LRGUK: variants seen among roughly 807,000 people sequenced by gnomAD.
LRGUK encodes the protein leucine-rich repeat and guanylate kinase domain-containing protein.
LRGUK carries 65 observed loss-of-function variants against 76.0 expected under a neutral mutation model. The observed-to-expected ratio is 0.85, with a 90% CI of 0.70 to 1.05. The LOEUF is 1.05. Ranked by LOEUF, LRGUK falls within the 50% of genes least tolerant of loss-of-function variation. The pLI, the probability that LRGUK is intolerant of heterozygous loss-of-function variation, is 0.00. For missense variants in LRGUK, 758 were observed against 732.8 expected, an observed-to-expected ratio of 1.03 and a Z score of -0.40; for synonymous variants, 268 against 265.6, an observed-to-expected ratio of 1.01 and a Z score of -0.09.
At chr7:134,236,860 A>T (rs902906466) in intron 16 of LRGUK, among the ~76,000 whole-genome samples, 3 of 152,192 alleles carry the variant, frequency 2.0e-5, no homozygotes, top group Non-Finnish European at 4.4e-5. Context: ...GAAATTTCTT[A>T]CACCTACTGT....
chr7:134,264,105 C>T (rs1330809969), exon 20 of LRGUK: 35 of 842,022 alleles, frequency 4.2e-5, no homozygotes, highest in Non-Finnish European at 5.4e-5. Context: ...TTCTACCTGC[C>T]TTAATTCTAT....
At chr7:134,242,396 A>G (rs1217261133) in intron 16 of LRGUK, among the ~76,000 whole-genome samples, 2 of 152,260 alleles carry the variant, frequency 1.3e-5, no homozygotes, top group East Asian at 3.8e-4. Flanking sequence ...ACAGAAATAC[A>G]AACTACCATC....
chr7:134,233,531 G>A (rs1034921222), intron 16 of LRGUK, among the ~76,000 whole-genome samples: 1 of 152,176 alleles, frequency 6.6e-6, no homozygotes, highest in Non-Finnish European at 1.5e-5. Flanking sequence ...TGGACCTGTG[G>A]TGACAAAGTA....
chr7:134,149,649 A>G (rs1456594909), intron 5 of LRGUK, among the ~76,000 whole-genome samples: 2 of 152,222 alleles, frequency 1.3e-5, no homozygotes, highest in African/African-American at 4.8e-5. Context: ...TAACAGAGAA[A>G]TCAGAAAGTG....
chr7:134,271,595 A>G, the LRGUK span, among the ~76,000 whole-genome samples: 2 of 152,002 alleles, frequency 1.3e-5, no homozygotes, highest in African/African-American at 4.8e-5. Flanking sequence ...TTATGTATCA[A>G]ATTCTACAAA....
rs948577076 is a variant in LRGUK, at chr7:134,163,571, A to T, written c.939+31A>T. The T allele has an allele frequency of 7.0e-6, 11 of 1,581,284 alleles. No individual in the cohort carries two copies. The African/African-American group carries it at 1.5e-4, about 21-fold the overall frequency. On this transcript the variant is annotated intron_variant, in intron 7 of 15. Transcript: ENST00000645682. The stretch of plus-strand genomic sequence containing the variant: ...GTTGCACTTCACATGTCTTGGTTTC[A>T]GTGTTGACATAAGAGGACATATTAG...
intron 1 of LRGUK, among the ~76,000 whole-genome samples, chr7:134,130,293 C>G (rs1057347346): frequency 4.6e-5 from 7 of 152,066 alleles, no homozygotes; most frequent in African/African-American, 7.3e-5. Context: ...AGCTTCCCCC[C>G]CCCCCCAGAG....
intron 4 of LRGUK, among the ~76,000 whole-genome samples, chr7:134,144,282 C>G (rs564926179): frequency 2.0e-5 from 3 of 152,124 alleles, no homozygotes; most frequent in Non-Finnish European, 4.4e-5. Context: ...ACTACAGGCA[C>G]GTGCCAAAAC....
chr7:134,245,515 G>A (rs1802278879), intron 16 of LRGUK, among the ~76,000 whole-genome samples: 1 of 152,096 alleles, frequency 6.6e-6, no homozygotes, highest in Admixed American at 6.6e-5. Context: ...CTGTATTTTG[G>A]GGTTTGAGGA....
chr7:134,140,901 C>T (rs1197691178), intron 3 of LRGUK, among the ~76,000 whole-genome samples: 1 of 152,166 alleles, frequency 6.6e-6, no homozygotes, highest in African/African-American at 2.4e-5. Context: ...TATATACCTC[C>T]CTGCCCAGCT....
chr7:134,161,517 T>A (rs917687435), intron 6 of LRGUK, among the ~76,000 whole-genome samples: 1 of 152,052 alleles, frequency 6.6e-6, no homozygotes, highest in African/African-American at 2.4e-5. Flanking sequence ...ATTATCGGCA[T>A]TCTATTAACA....
At chr7:134,199,086 T>G in intron 13 of LRGUK, 134 bp from the exon 14 acceptor site, 2 of 621,430 alleles carry the variant, frequency 3.2e-6, no homozygotes, top group Non-Finnish European at 5.6e-6. Flanking sequence ...AAATAGTAGC[T>G]AACTATACAG....
Position 134,219,461 on chromosome 7 carries a change from G to A in LRGUK, c.1844-2318G>A, listed in dbSNP as rs574607231. Among the ~76,000 whole-genome samples, 20 of 152,184 alleles carry A rather than the reference G, an allele frequency of 1.3e-4. No homozygotes were observed. The East Asian group carries it at 2.5e-3, about 19-fold the overall frequency. ...CTTAGAAAACTGGAAAAAGGAACCC[G>A]GACACAAAAACTATATTTTGAATAA... On this transcript the variant is annotated intron_variant, in intron 15 of 19. Coordinates refer to the LRGUK transcript ENST00000285928.
intron 11 of LRGUK, among the ~76,000 whole-genome samples, chr7:134,186,617 G>A (rs546582577): frequency 6.6e-6 from 1 of 152,342 alleles, no homozygotes; most frequent in South Asian, 2.1e-4. Context: ...CACTGATGGA[G>A]CTATGCAGAG....
chr7:134,224,620 A>G (rs1018493409), intron 16 of LRGUK, among the ~76,000 whole-genome samples: 2 of 152,194 alleles, frequency 1.3e-5, no homozygotes, highest in Admixed American at 6.5e-5. Context: ...GGATGATGAA[A>G]TAGTCTGTAC....
chr7:134,272,121 T>G, the LRGUK span, among the ~76,000 whole-genome samples: 2 of 152,110 alleles, frequency 1.3e-5, no homozygotes, highest in African/African-American at 4.8e-5. Context: ...GCTTCACTAT[T>G]CAGTGTGAAA....
At chr7:134,200,513 C>A (rs1800724555) in intron 14 of LRGUK, among the ~76,000 whole-genome samples, 1 of 151,852 alleles carries the variant, frequency 6.6e-6, no homozygotes, top group Admixed American at 6.6e-5. Flanking sequence ...TTTTCTTGTG[C>A]TACATAAAAA....
At chr7:134,222,561 T>C (rs760762427) in intron 16 of LRGUK, among the ~76,000 whole-genome samples, 6 of 152,192 alleles carry the variant, frequency 3.9e-5, no homozygotes, top group Non-Finnish European at 7.4e-5. Flanking sequence ...TGTCAATTCC[T>C]TGTGATTCCT....
At chr7:134,268,498 T>C (rs1398654142), downstream of LRGUK, among the ~76,000 whole-genome samples, 1 of 152,030 alleles carries the variant, frequency 6.6e-6, no homozygotes, top group Non-Finnish European at 1.5e-5. Flanking sequence ...GAATTTATAA[T>C]TGAATTTGAA....
Sources: gnomAD v4.1 joint callset for allele counts (sites outside exome capture counted in the v4.1 genomes callset) on GRCh38, gnomAD v4.1.1 for gene constraint, MANE v1.5 for transcripts, NCBI Gene and HGNC (gene_info 2026-07-23, HGNC 2026-07-21) for gene names.